ZNF718: variants seen among roughly 807,000 people sequenced by gnomAD.
ZNF718 encodes the protein zinc finger protein 718.
Under a neutral mutation model 2.6 loss-of-function variants are expected in ZNF718, and 3 were observed. The observed-to-expected ratio is 1.16, with a 90% confidence interval of 0.53 to 3.01. ZNF718 has a LOEUF of 3.01. Ranked by LOEUF, ZNF718 falls within the 30% of genes most tolerant of loss-of-function variation. The pLI, the probability that ZNF718 is intolerant of heterozygous loss-of-function variation, is 0.03. For missense variants in ZNF718, 468 were observed against 230.0 expected, an observed-to-expected ratio of 2.03 and a Z score of -6.69; for synonymous variants, 135 against 77.9, an observed-to-expected ratio of 1.73 and a Z score of -3.86.
chr4:167,946 C>A (rs1717128714), downstream of ZNF718, among the ~76,000 whole-genome samples: 1 of 152,126 alleles, frequency 6.6e-6, no homozygotes, highest in Non-Finnish European at 1.5e-5. Context: ...AAAGGGAATG[C>A]TTCCCTTTTT....
chr4:187,073 G>T (rs1254220834), intron 3 of ZNF718, among the ~76,000 whole-genome samples: 1 of 152,120 alleles, frequency 6.6e-6, no homozygotes, highest in East Asian at 1.9e-4. Context: ...CTGACCTTTG[G>T]ATGGGGTTAT....
At chr4:146,636 T>C (rs1175596201) in intron 3 of ZNF718, among the ~76,000 whole-genome samples, 1 of 152,130 alleles carries the variant, frequency 6.6e-6, no homozygotes, top group Non-Finnish European at 1.5e-5. Context: ...AAAAAAGTTT[T>C]CTCTCTTTTG....
rs1717002141 is a variant in ZNF718, at chr4:163,591, C to T, written c.*1469C>T. ...CGTACATGTTCAGAGTAATATTCTT[C>T]TGCATTATAGTGAGAGAAAAATCTT... On this transcript the variant is annotated 3_prime_UTR_variant, in exon 4 of 4. Transcript: ENST00000510175. 1 of 152,068 alleles carries T rather than the reference C, an allele frequency of 6.6e-6. No individual in the cohort carries two copies. The highest frequency in any genetic ancestry group is 2.4e-5 in the African/African-American group (1 of 41,400). 9.4% of individuals were successfully genotyped at this position (152,068 alleles called of 1,614,324 possible). A position where few individuals can be genotyped will look rare whatever the true frequency, so the allele number is the denominator to read the frequency against.
At chr4:125,401 C>T (rs1401552847) in intron 1 of ZNF718, 1 of 152,362 alleles carries the variant, frequency 6.6e-6, no homozygotes, top group East Asian at 1.9e-4. Flanking sequence ...CAGGGACTGG[C>T]GTCTGCAGGA....
chr4:147,063 C>T (rs1320695890), intron 3 of ZNF718, among the ~76,000 whole-genome samples: 2 of 152,106 alleles, frequency 1.3e-5, no homozygotes, highest in South Asian at 2.1e-4. Context: ...CTTCACACTC[C>T]AGATTCAAGC....
chr4:187,687 T>C (rs7665922), intron 3 of ZNF718, among the ~76,000 whole-genome samples: 69,473 of 151,992 alleles, frequency 0.46, 16,294 homozygotes, highest in South Asian at 0.53. Flanking sequence ...CTGGAGACCA[T>C]GGTTTGGAGG....
chr4:159,051 T>C (rs1334490791), intron 3 of ZNF718, among the ~76,000 whole-genome samples: 2 of 151,444 alleles, frequency 1.3e-5, no homozygotes, highest in Non-Finnish European at 2.9e-5. Context: ...TTTTTTTTTT[T>C]TTTGAGATGG....
chr4:131,999 C>T lies in ZNF718; in HGVS notation c.226+494C>T, dbSNP rs1240069718. Among the ~76,000 whole-genome samples, 91 of 97,702 alleles carry T rather than the reference C, an allele frequency of 9.3e-4. 25 individuals are homozygous for T. Among genetic ancestry groups the T allele is most frequent in the African/African-American group, 2.5e-3 (71 of 27,990 alleles). 64.1% of individuals were successfully genotyped at this position (97,702 alleles called of 152,430 possible). A position where few individuals can be genotyped will look rare whatever the true frequency, so the allele number is the denominator to read the frequency against. ...GTCGGAGCTTGCAGTGAGCCGAGAT[C>T]GTGCCACTGCACTCCAGCCTGAGCG... On this transcript the variant is annotated intron_variant, in intron 3 of 3. Transcript: ENST00000510175.
At chr4:142,682 G>C (rs1177211329) in intron 3 of ZNF718, among the ~76,000 whole-genome samples, 1 of 152,214 alleles carries the variant, frequency 6.6e-6, no homozygotes, top group Non-Finnish European at 1.5e-5. Context: ...AAATTCTTTT[G>C]TGAAAGTTAT....
At chr4:187,103 C>T (rs752496133) in intron 3 of ZNF718, among the ~76,000 whole-genome samples, 8 of 151,742 alleles carry the variant, frequency 5.3e-5, no homozygotes, top group East Asian at 1.9e-4. Context: ...TTTTTGTTGT[C>T]GTTTGTCTGT....
chr4:190,200 G>A (rs1370255566), intron 3 of ZNF718, among the ~76,000 whole-genome samples: 1 of 152,066 alleles, frequency 6.6e-6, no homozygotes, highest in Non-Finnish European at 1.5e-5. Context: ...GGAGGCCGAG[G>A]CAGGCAGATC....
chr4:198,921 G>A (rs1717844404), intron 3 of ZNF718, among the ~76,000 whole-genome samples: 1 of 152,198 alleles, frequency 6.6e-6, no homozygotes, highest in Admixed American at 6.5e-5. Flanking sequence ...CATGAGGCAG[G>A]TACTGCTATC....
intron 3 of ZNF718, among the ~76,000 whole-genome samples, chr4:191,912 C>T (rs1057085223): frequency 6.6e-6 from 1 of 152,056 alleles, no homozygotes. Context: ...GAACCTTGGG[C>T]CATGCAGTCA....
At chr4:143,742 T>C (rs1261474102) in intron 3 of ZNF718, among the ~76,000 whole-genome samples, 1 of 152,172 alleles carries the variant, frequency 6.6e-6, no homozygotes, top group Non-Finnish European at 1.5e-5. Flanking sequence ...CAAGCTTCAC[T>C]GATCATGCAG....
intron 3 of ZNF718, among the ~76,000 whole-genome samples, chr4:187,204 G>GT (rs1581482448): frequency 6.6e-6 from 1 of 151,546 alleles, no homozygotes; most frequent in East Asian, 1.9e-4. Context: ...TTGTTTTTTT[G>GT]TTTTTTGGGG....
chr4:164,517 T>A (rs1470172134), downstream of ZNF718, among the ~76,000 whole-genome samples: 1 of 152,166 alleles, frequency 6.6e-6, no homozygotes, highest in Non-Finnish European at 1.5e-5. Flanking sequence ...CTTATACTCA[T>A]GCTAGTGATA....
chr4:178,669 C>A (rs1553819425), intron 3 of ZNF718, among the ~76,000 whole-genome samples: 1 of 152,148 alleles, frequency 6.6e-6, no homozygotes, highest in Non-Finnish European at 1.5e-5. Flanking sequence ...TTTCAAATGC[C>A]TCTTGGCCAT....
chr4:133,631 T>A (rs1553808747), intron 3 of ZNF718, among the ~76,000 whole-genome samples: 1 of 152,156 alleles, frequency 6.6e-6, no homozygotes, highest in Non-Finnish European at 1.5e-5. Flanking sequence ...AAACAGTAAG[T>A]GAAGCAACAT....
At chr4:174,179 A>G (rs1418173127) in intron 3 of ZNF718, among the ~76,000 whole-genome samples, 1 of 152,132 alleles carries the variant, frequency 6.6e-6, no homozygotes, top group Non-Finnish European at 1.5e-5. Flanking sequence ...GAAGCTTTGC[A>G]AAACCTCCCG....
Sources: gnomAD v4.1 joint callset for allele counts (sites outside exome capture counted in the v4.1 genomes callset) on GRCh38, gnomAD v4.1.1 for gene constraint, MANE v1.5 for transcripts, NCBI Gene and HGNC (gene_info 2026-07-23, HGNC 2026-07-21) for gene names.